CTNNA3: variants seen among roughly 807,000 people sequenced by gnomAD.
CTNNA3 encodes catenin alpha-3.
A neutral mutation model predicts 95.7 loss-of-function variants in CTNNA3; 76 were observed. The observed-to-expected ratio is 0.79, with a 90% CI of 0.66 to 0.96. The LOEUF is 0.96. Ranked by LOEUF, CTNNA3 falls within the 40% of genes least tolerant of loss-of-function variation. CTNNA3 has a pLI of 0.00. For synonymous variants in CTNNA3, 431 were observed against 374.4 expected, an observed-to-expected ratio of 1.15 and a Z score of -1.74; for missense variants, 1,191 against 1,089.8, an observed-to-expected ratio of 1.09 and a Z score of -1.31.
intron 10 of CTNNA3, among the ~76,000 whole-genome samples, chr10:66,530,793 G>A (rs1347349735): frequency 1.3e-5 from 2 of 152,116 alleles, no homozygotes; most frequent in Non-Finnish European, 2.9e-5. Flanking sequence ...CTTCTCACAA[G>A]ACTCTCATTT....
intron 14 of CTNNA3, among the ~76,000 whole-genome samples, chr10:66,086,683 A>G (rs1402773264): frequency 1.3e-5 from 2 of 152,098 alleles, no homozygotes; most frequent in African/African-American, 2.4e-5. Flanking sequence ...GGAAGGACTC[A>G]GTAGAAAAGA....
At chr10:66,596,611 G>C (rs909417564) in intron 10 of CTNNA3, among the ~76,000 whole-genome samples, 2 of 152,122 alleles carry the variant, frequency 1.3e-5, no homozygotes, top group African/African-American at 4.8e-5. Flanking sequence ...AAGAGAAATA[G>C]AGTGGGTGCC....
At chr10:67,742,188 C>T (rs186396792) in intron 1 of CTNNA3, among the ~76,000 whole-genome samples, 1 of 151,392 alleles carries the variant, frequency 6.6e-6, no homozygotes, top group African/African-American at 2.4e-5. Context: ...CCCAAATCAA[C>T]AGAATATACA....
At chr10:66,581,936 T>C (rs1167637141) in intron 10 of CTNNA3, among the ~76,000 whole-genome samples, 2 of 151,822 alleles carry the variant, frequency 1.3e-5, no homozygotes, top group African/African-American at 4.8e-5. Context: ...TGTTTTTGTA[T>C]GTTTTATCAA....
At chr10:67,685,194 A>G (rs1031271798) in intron 1 of CTNNA3, among the ~76,000 whole-genome samples, 3 of 152,216 alleles carry the variant, frequency 2.0e-5, no homozygotes, top group African/African-American at 7.2e-5. Flanking sequence ...AGCAAACTTT[A>G]CTTTTGTTGA....
chr10:66,486,846 C>CAA (rs1839745128), intron 11 of CTNNA3, among the ~76,000 whole-genome samples: 2 of 150,848 alleles, frequency 1.3e-5, no homozygotes, highest in Non-Finnish European at 3.0e-5. Context: ...CACACACACA[C>CAA]AAAATGAAAT....
At chr10:67,759,232 T>G (rs1841449804) in intron 1 of CTNNA3, among the ~76,000 whole-genome samples, 2 of 152,208 alleles carry the variant, frequency 1.3e-5, no homozygotes, top group African/African-American at 2.4e-5. Context: ...TGCCAGTAAC[T>G]TCATAATTTT....
chr10:66,566,876 A>C (rs1278105526), intron 10 of CTNNA3, among the ~76,000 whole-genome samples: 1 of 151,232 alleles, frequency 6.6e-6, no homozygotes, highest in African/African-American at 2.4e-5. Context: ...CTGCTTTACT[A>C]CTTTTCTGAA....
chr10:66,675,996 A>T (rs753647709), intron 9 of CTNNA3, among the ~76,000 whole-genome samples: 15 of 152,142 alleles, frequency 9.9e-5, no homozygotes, highest in Non-Finnish European at 2.1e-4. Context: ...TATTGTTTAC[A>T]TAAAACCAGT....
intron 12 of CTNNA3, among the ~76,000 whole-genome samples, chr10:66,349,909 A>C (rs1034726924): frequency 6.6e-6 from 1 of 152,040 alleles, no homozygotes; most frequent in Non-Finnish European, 1.5e-5. Flanking sequence ...CCCCATCACC[A>C]ATGGCTTTGA....
intron 3 of CTNNA3, among the ~76,000 whole-genome samples, chr10:67,566,006 TACACACACAAACACACACACACAC>T (rs1564745420): frequency 1.8e-5 from 2 of 108,380 alleles, no homozygotes; most frequent in African/African-American, 3.7e-5. Context: ...TATATATATA[TACACACACAAACACACACACACAC>T]ATATGTGTGT....
At chr10:66,280,686 C>A in intron 12 of CTNNA3, 65 bp from the exon 13 acceptor site, 1 of 1,263,186 alleles carries the variant, frequency 7.9e-7, no homozygotes, top group Non-Finnish European at 1.1e-6. Flanking sequence ...ACAGTAGTTT[C>A]CAGGAAATGT....
intron 2 of CTNNA3, among the ~76,000 whole-genome samples, chr10:67,609,587 A>G (rs1843393508): frequency 6.6e-6 from 1 of 152,160 alleles, no homozygotes; most frequent in Non-Finnish European, 1.5e-5. Context: ...CATCACCCAG[A>G]GTGGAATGTC....
chr10:66,642,257 C>A (rs1199486098), intron 9 of CTNNA3, among the ~76,000 whole-genome samples: 1 of 65,662 alleles, frequency 1.5e-5, no homozygotes, highest in Admixed American at 1.5e-4. Flanking sequence ...CTTTAAAATA[C>A]ACACACACAC....
At chr10:67,264,598 C>T (rs1194687627) in intron 5 of CTNNA3, among the ~76,000 whole-genome samples, 3 of 152,080 alleles carry the variant, frequency 2.0e-5, no homozygotes, top group African/African-American at 7.2e-5. Flanking sequence ...ACATTAAATG[C>T]CTGGTCTTTG....
At chr10:67,560,837 C>G (rs1189395828) in intron 3 of CTNNA3, among the ~76,000 whole-genome samples, 1 of 151,958 alleles carries the variant, frequency 6.6e-6, no homozygotes, top group Non-Finnish European at 1.5e-5. Flanking sequence ...GGGTTGCAAT[C>G]CTAGTCTCTA....
chr10:66,534,234 A>G (rs1332149108), intron 10 of CTNNA3, among the ~76,000 whole-genome samples: 1 of 152,102 alleles, frequency 6.6e-6, no homozygotes, highest in African/African-American at 2.4e-5. Flanking sequence ...TAGAGGTCAG[A>G]ACAGGAAAAT....
chr10:67,087,151 A>G (rs1857354039), intron 7 of CTNNA3, among the ~76,000 whole-genome samples: 1 of 152,068 alleles, frequency 6.6e-6, no homozygotes, highest in South Asian at 2.1e-4. Context: ...AGAAAGATTT[A>G]CATGTAAATG....
intron 1 of CTNNA3, among the ~76,000 whole-genome samples, chr10:67,648,138 A>C (rs1839773087): frequency 2.6e-5 from 4 of 152,192 alleles, no homozygotes; most frequent in Admixed American, 1.3e-4. Context: ...TGGTCAAGAC[A>C]AAATAAGAAG....
Sources: allele counts gnomAD v4.1 joint callset (sites outside exome capture counted in the v4.1 genomes callset), GRCh38; gene constraint gnomAD v4.1.1; transcripts MANE v1.5; gene names NCBI Gene and HGNC (gene_info 2026-07-23, HGNC 2026-07-21).